Variants in AGL observed in about 807,000 individuals in gnomAD.
The protein encoded by AGL is glycogen debranching enzyme.
Under a neutral mutation model 199.3 loss-of-function variants are expected in AGL, and 128 were observed. The ratio of observed to expected loss-of-function variants is 0.64; its 90% CI spans 0.56 to 0.74. The LOEUF (loss-of-function observed/expected upper bound fraction) is 0.74, where lower values mean the gene tolerates loss of function less well. AGL is among the 30% of genes least tolerant of loss of function. The pLI, the probability that AGL is intolerant of heterozygous loss-of-function variation, is 0.00. For missense variants in AGL, 1,809 were observed against 1,820.8 expected (o/e 0.99, Z 0.12); for synonymous variants, 584 against 594.7 (o/e 0.98, Z 0.26).
Position 99,902,776 on chromosome 1 carries a change from C to G in AGL, c.3682C>G (p.Arg1228Gly). 1 of 1,612,632 alleles carries G rather than the reference C, an allele frequency of 6.2e-7. No homozygotes were observed. The highest frequency in any genetic ancestry group is 8.5e-7 in the Non-Finnish European group (1 of 1,179,008). Reference sequence around the variant, plus strand: ...AAGGAATGCTGGTCCCCAGATAGATCGAAACATGAAGGACGAAGGTACAGA... The same window carrying G: ...AAGGAATGCTGGTCCCCAGATAGATGGAAACATGAAGGACGAAGGTACAGA... ...RERNAGPQIDRNMKDEGFNIT... is the reference protein window; with the variant it reads ...RERNAGPQIDGNMKDEGFNIT... Residue 1228 changes from arginine to glycine, a missense_variant, in exon 27 of 34, where the codon CGA becomes GGA. Arg to Gly is a moderately radical substitution (Grantham distance 125, BLOSUM62 -2). Transcript: ENST00000361915.
Position 99,891,250 on chromosome 1 carries a change from C to T in AGL, c.2843C>T (p.Pro948Leu). The part of the protein sequence containing the change: ...GLMSVLAEIR[P>L]KNDLGHPFCN... The stretch of plus-strand genomic sequence containing the variant: ...ATGTCTGTATTGGCAGAAATAAGAC[C>T]AAAGAATGACTTGGGGCATCCTTTT... The change falls in exon 22 of 34, where the codon CCA (proline) becomes CTA (leucine). Residue 948 changes from proline (P) to leucine (L), a missense_variant. Transcript: ENST00000361915. The T allele has an allele frequency of 1.2e-6, 2 of 1,613,492 alleles. No individual in the cohort carries two copies. The highest frequency in any genetic ancestry group is 1.7e-6 in the Non-Finnish European group (2 of 1,179,632).
At chr1:99,875,482 T>C in intron 10 of AGL, 27 bp downstream of exon 10, 3 of 1,588,236 alleles carry the variant, frequency 1.9e-6, no homozygotes, top group Non-Finnish European at 2.6e-6. Context: ...TTTTTTCTTA[T>C]TGATGGTTGA....
chr1:99,913,582 T>G lies in AGL; in HGVS notation c.4005T>G (p.Phe1335Leu). 2 of 1,614,042 alleles carry G rather than the reference T, an allele frequency of 1.2e-6. No homozygotes were observed. The highest frequency in any genetic ancestry group is 1.7e-6 in the Non-Finnish European group (2 of 1,179,976). The part of the protein sequence containing the change: ...DEWNRKIQDN[F>L]EKLFHVSEDP... Reference sequence around the variant, plus strand: ...GGAACAGAAAAATACAAGACAACTTTGAAAAGCTATTTCATGTTTCCGAAG... The same window carrying G: ...GGAACAGAAAAATACAAGACAACTTGGAAAAGCTATTTCATGTTTCCGAAG... Residue 1335 changes from phenylalanine (F) to leucine (L), a missense_variant, in exon 30 of 34, where the codon TTT becomes TTG. Transcript: ENST00000361915.
chr1:99,869,718 A>G (rs1279869039), intron 5 of AGL, among the ~76,000 whole-genome samples: 1 of 152,250 alleles, frequency 6.6e-6, no homozygotes, highest in Non-Finnish European at 1.5e-5. Context: ...ATACACATTA[A>G]TCACTCATGC....
intron 24 of AGL, among the ~76,000 whole-genome samples, chr1:99,893,133 A>G (rs559110671): frequency 1.3e-5 from 2 of 152,312 alleles, no homozygotes; most frequent in East Asian, 3.8e-4. Flanking sequence ...GCTAAAGGAC[A>G]GGCTTTTGTT....
chr1:99,862,238 G>C lies in AGL; in HGVS notation c.294-19G>C. The C allele has an allele frequency of 6.2e-7, 1 of 1,613,660 alleles. No homozygotes were observed. Among genetic ancestry groups the C allele is most frequent in the East Asian group, 2.2e-5 (1 of 44,832 alleles). On this transcript the variant is annotated intron_variant, in intron 3 of 33. Transcript: ENST00000361915. ...TTCTATCACTGACTGAAAAGTTTTT[G>C]TTTTGTTTTTTCCCTTAGAAATGAG...
At chr1:99,854,927 G>A (rs1022832213) in intron 2 of AGL, among the ~76,000 whole-genome samples, 4 of 152,158 alleles carry the variant, frequency 2.6e-5, no homozygotes, top group African/African-American at 4.8e-5. Flanking sequence ...AAGGCCAGGC[G>A]CGGTGGCTCA....
In AGL at chr1:99,884,693, C is replaced by T. The variant is rs777738895; in HGVS notation, c.2671C>T (p.Pro891Ser). The stretch of plus-strand genomic sequence containing the variant: ...CAATGCAGATCCTATATTAAAAATT[C>T]CTTTTGCTTCGTAAGTATGCCTTGT... ...VDNADPILKIPFASLASRLTL... is the reference protein window; with the variant it reads ...VDNADPILKISFASLASRLTL... The change falls in exon 20 of 34, where the codon CCT becomes TCT. Residue 891 changes from proline (P) to serine (S), a missense_variant. Coordinates refer to ENST00000361915, the MANE Select transcript of AGL (RefSeq NM_000642.3). 20 of 1,613,838 alleles carry T rather than the reference C, an allele frequency of 1.2e-5. No individual in the cohort carries two copies. Among genetic ancestry groups the T allele is most frequent in the Non-Finnish European group, 1.6e-5 (19 of 1,179,880 alleles).
chr1:99,897,866 T>C (rs911030624), intron 25 of AGL, among the ~76,000 whole-genome samples: 5 of 152,160 alleles, frequency 3.3e-5, no homozygotes, highest in Non-Finnish European at 7.3e-5. Flanking sequence ...ATCTGCCACA[T>C]GCTAAACAGT....
Position 99,921,813 on chromosome 1 carries a change from T to G in AGL, c.*162T>G. ...TTGTAAAAGCATTGATTTTTTTTAA[T>G]GTACAGAGGTAGATTTCAATTTGAA... On this transcript the variant is annotated 3_prime_UTR_variant, in exon 34 of 34. Coordinates refer to ENST00000361915, the MANE Select transcript of AGL (RefSeq NM_000642.3). 2.1e-6 allele frequency: 1 copy of G among 481,176 alleles called. No individual in the cohort carries two copies. The highest frequency in any genetic ancestry group is 3.7e-6 in the Non-Finnish European group (1 of 273,240). 29.8% of individuals were successfully genotyped at this position (481,176 alleles called of 1,614,324 possible). A position where few individuals can be genotyped will look rare whatever the true frequency, so the allele number is the denominator to read the frequency against.
intron 7 of AGL, among the ~76,000 whole-genome samples, chr1:99,871,301 A>G (rs532313172): frequency 5.9e-5 from 9 of 152,156 alleles, no homozygotes; most frequent in African/African-American, 2.2e-4. Context: ...TTTGCGCACT[A>G]TTAAGGCCAC....
In AGL at chr1:99,910,822, A is replaced by T. The variant is rs1349781224; in HGVS notation, c.3811A>T (p.Asn1271Tyr). 6.2e-7 allele frequency: 1 copy of T among 1,613,290 alleles called. No homozygotes were observed. Among genetic ancestry groups the T allele is most frequent in the Non-Finnish European group, 8.5e-7 (1 of 1,179,478 alleles). Reference protein sequence around the residue: ...DKMGESDRARNRGIPATPRDG... With the variant: ...DKMGESDRARYRGIPATPRDG... ...AATGGGAGAAAGTGACAGAGCTAGA[A>T]ACAGAGGAATCCCAGCCACACCAAG... The change falls in exon 28 of 34, where the codon AAC becomes TAC. Residue 1271 changes from asparagine (N) to tyrosine (Y), a missense_variant. Physicochemically the swap from Asn to Tyr is moderately radical, Grantham distance 143 (BLOSUM62 -2). Transcript: ENST00000361915.
At chr1:99,862,105 T>G in intron 3 of AGL, 152 bp from the exon 4 acceptor site, 1 of 832,156 alleles carries the variant, frequency 1.2e-6, no homozygotes, top group Non-Finnish European at 1.9e-6. Flanking sequence ...TTCCATTAAG[T>G]TTTGTTGCAA....
chr1:99,917,383 C>T (rs560408665), intron 33 of AGL, among the ~76,000 whole-genome samples: 2 of 152,276 alleles, frequency 1.3e-5, no homozygotes, highest in South Asian at 2.1e-4. Context: ...AATAGAGCCA[C>T]TCCTGGTCTG....
At chr1:99,858,140 CTA>C (rs1649727268) in intron 2 of AGL, among the ~76,000 whole-genome samples, 1 of 152,104 alleles carries the variant, frequency 6.6e-6, no homozygotes, top group African/African-American at 2.4e-5. Context: ...ATAACAGTCT[CTA>C]TATTACTTTG....
chr1:99,880,769 A>G lies in AGL; in HGVS notation c.1873A>G (p.Thr625Ala). 2 of 1,614,006 alleles carry G rather than the reference A, an allele frequency of 1.2e-6. No individual in the cohort carries two copies. The highest frequency in any genetic ancestry group is 2.7e-5 in the African/African-American group (2 of 75,024). ...TGCACATGCCCTGTTTATGGATATT[A>G]CGCATGATAATGAGTGTCCTATTGT... Reference protein sequence around the residue: ...AIAHALFMDITHDNECPIVHR... With the variant: ...AIAHALFMDIAHDNECPIVHR... The change falls in exon 14 of 34, where the codon ACG (threonine) becomes GCG (alanine). Residue 625 changes from threonine (T) to alanine (A), a missense_variant. Thr to Ala is a moderately conservative substitution (Grantham distance 58). Transcript: ENST00000361915.
chr1:99,886,637 TAA>T (rs1652476232), intron 20 of AGL, among the ~76,000 whole-genome samples: 1 of 152,230 alleles, frequency 6.6e-6, no homozygotes, highest in Non-Finnish European at 1.5e-5. Flanking sequence ...ATAAAATAGT[TAA>T]AAATAACATC....
rs575551045 is a variant in AGL at position 99,892,486 on chromosome 1, A to G, written c.3138A>G (p.Gln1046=). The change falls in exon 24 of 34, where the codon CAA becomes CAG. Residue 1046 remains glutamine (Q), a synonymous_variant. Transcript: ENST00000361915. ...AACACCTTTCATTGGGTTCAGTTCA[A>G]CTGTGTGGAGTAGGAAAATTCCCTT... ...FVKHLSLGSV[Q]LCGVGKFPSL... The G allele has an allele frequency of 2.5e-6, 4 of 1,613,670 alleles. No homozygotes were observed. The African/African-American group carries it at 5.3e-5, about 22-fold the overall frequency.
At chr1:99,886,473 A>G (rs1652462031) in intron 20 of AGL, among the ~76,000 whole-genome samples, 1 of 142,292 alleles carries the variant, frequency 7.0e-6, no homozygotes, top group African/African-American at 2.6e-5. Context: ...CAACAGAGCA[A>G]GACCCTGTCT....
Sources: gnomAD v4.1 joint callset for allele counts (sites outside exome capture counted in the v4.1 genomes callset) on GRCh38, gnomAD v4.1.1 for gene constraint, MANE v1.5 for transcripts, NCBI Gene and HGNC (gene_info 2026-07-23, HGNC 2026-07-21) for gene names.